The following KDM5A variants were observed in gnomAD, a reference collection of about 807,000 sequenced individuals.
KDM5A encodes lysine-specific demethylase 5A.
KDM5A carries 42 observed loss-of-function variants against 193.5 expected under a neutral mutation model. That is an observed-to-expected ratio of 0.22 (90% confidence interval 0.17 to 0.28). KDM5A has a LOEUF of 0.28. Ranked by LOEUF, KDM5A falls within the 10% of genes least tolerant of loss-of-function variation. The pLI, the probability that KDM5A is intolerant of heterozygous loss-of-function variation, is 1.00. For synonymous variants in KDM5A, 796 were observed against 718.1 expected (o/e 1.11, Z -1.73); for missense variants, 1,692 against 2,055.1 (o/e 0.82, Z 3.42).
chr12:360,920 G>C (rs1944286575), intron 5 of KDM5A, among the ~76,000 whole-genome samples: 1 of 152,166 alleles, frequency 6.6e-6, no homozygotes, highest in South Asian at 2.1e-4. Context: ...TCCTTGAAGA[G>C]AAAGGTACAC....
intron 19 of KDM5A, among the ~76,000 whole-genome samples, chr12:315,911 A>G (rs1033012363): frequency 5.9e-5 from 9 of 152,238 alleles, no homozygotes; most frequent in African/African-American, 1.4e-4. Flanking sequence ...AAAGAAATCT[A>G]TATTATAAAT....
intron 27 of KDM5A, among the ~76,000 whole-genome samples, chr12:290,027 T>G (rs1405205044): frequency 1.3e-5 from 2 of 151,016 alleles, no homozygotes; most frequent in African/African-American, 4.9e-5. Flanking sequence ...TCATAGCACA[T>G]TAACTATAGC....
chr12:389,225 G>A lies in KDM5A; in HGVS notation c.-134C>T. 1.2e-6 allele frequency: 1 copy of A among 857,026 alleles called. No homozygotes were observed. Among genetic ancestry groups the A allele is most frequent in the Non-Finnish European group, 2.0e-6 (1 of 506,924 alleles). The allele number at this position is 857,026 out of a possible 1,614,324, so 53.1% of individuals were successfully genotyped here. A position where few individuals can be genotyped will look rare whatever the true frequency, so the allele number is the denominator to read the frequency against. On this transcript the variant is annotated 5_prime_UTR_variant, in exon 1 of 28. Coordinates refer to ENST00000399788, the MANE Select transcript of KDM5A (RefSeq NM_001042603.3). ...TCGCGGACAAGAACCGTTCAACACA[G>A]AAACCCCAGAATCGCTTCCTCCTCC...
intron 27 of KDM5A, among the ~76,000 whole-genome samples, chr12:287,149 GATA>G (rs1943228654): frequency 6.6e-6 from 1 of 152,172 alleles, no homozygotes; most frequent in Admixed American, 6.6e-5. Context: ...TCTGCACCTT[GATA>G]CAACTGTCGG....
intron 3 of KDM5A, among the ~76,000 whole-genome samples, chr12:372,640 T>C (rs1944444314): frequency 6.6e-6 from 1 of 152,026 alleles, no homozygotes; most frequent in African/African-American, 2.4e-5. Flanking sequence ...TGAATAGGAG[T>C]GGTGAGAGAG....
intron 16 of KDM5A, among the ~76,000 whole-genome samples, 188 bp downstream of exon 16, chr12:322,881 CCATTTTATGTCAG>C (rs963912307): frequency 7.2e-5 from 11 of 152,204 alleles, no homozygotes; most frequent in African/African-American, 2.6e-4. Context: ...GATGTCCGGC[CCATTTTATGTCAG>C]CTTTTTCATT....
rs891164109 is a variant in KDM5A, at chr12:357,686, G to A, written c.673-1149C>T. Among the ~76,000 whole-genome samples the A allele has an allele frequency of 3.3e-5, 5 of 151,568 alleles. No homozygotes were observed. The East Asian group carries it at 9.7e-4, about 29-fold the overall frequency. ...CTACTAAAAATACAAAAATTAGCCA[G>A]GCATGGTGGCGCACGCCTATAGTCC... On this transcript the variant is annotated intron_variant, in intron 5 of 27. Coordinates refer to ENST00000399788, the MANE Select transcript of KDM5A (RefSeq NM_001042603.3).
At chr12:297,650 C>G (rs910587665) in intron 24 of KDM5A, among the ~76,000 whole-genome samples, 5 of 152,138 alleles carry the variant, frequency 3.3e-5, no homozygotes, top group African/African-American at 1.2e-4. Flanking sequence ...GAAAGCTTTC[C>G]AGACCCTGGA....
chr12:382,988 G>A (rs1438020138), intron 3 of KDM5A, among the ~76,000 whole-genome samples: 1 of 151,578 alleles, frequency 6.6e-6, no homozygotes, highest in Non-Finnish European at 1.5e-5. Flanking sequence ...TTGCAGGTCA[G>A]TTAGTTTTTT....
intron 5 of KDM5A, among the ~76,000 whole-genome samples, chr12:357,243 C>A (rs1232042121): frequency 6.6e-6 from 1 of 151,806 alleles, no homozygotes; most frequent in Non-Finnish European, 1.5e-5. Flanking sequence ...CGCTGCTGCA[C>A]TCCACCCTGG....
At chr12:348,678 ACG>A (rs1565541778) in intron 10 of KDM5A, among the ~76,000 whole-genome samples, 7 of 151,138 alleles carry the variant, frequency 4.6e-5, no homozygotes, top group Non-Finnish European at 7.4e-5. Context: ...ACCAAAAACC[ACG>A]TGTTCTCACT....
intron 8 of KDM5A, 45 bp downstream of exon 8, chr12:354,031 T>G: frequency 6.9e-7 from 1 of 1,455,376 alleles, no homozygotes. Context: ...ATGCATGTAT[T>G]ATTATTTTTA....
At chr12:372,596 C>T (rs1038225796) in intron 3 of KDM5A, among the ~76,000 whole-genome samples, 6 of 152,160 alleles carry the variant, frequency 3.9e-5, no homozygotes, top group Non-Finnish European at 5.9e-5. Flanking sequence ...TTTTTCCTGC[C>T]TGACTGCCCT....
In KDM5A at chr12:295,756, AG is replaced by A; in HGVS notation, c.4271del (p.Pro1424LeufsTer26). Reference sequence around the variant, plus strand: ...GAGGTTCCAAACTTCGGGGCACCAAAGGGCTCTTCCGAGGTTGTTTCCTTGG... The same window carrying A: ...GAGGTTCCAAACTTCGGGGCACCAAAGGCTCTTCCGAGGTTGTTTCCTTGG... ...STPRKQPRKS[P>X]LVPRSLEPPV... On this transcript the variant is annotated frameshift_variant, in exon 26 of 28. Coordinates refer to ENST00000399788, the MANE Select transcript of KDM5A (RefSeq NM_001042603.3). LOFTEE classifies it high-confidence loss of function. 1 of 1,614,076 alleles carries A rather than the reference AG, an allele frequency of 6.2e-7. No individual in the cohort carries two copies. The highest frequency in any genetic ancestry group is 8.5e-7 in the Non-Finnish European group (1 of 1,179,984).
chr12:355,982 G>C (rs963581939), intron 6 of KDM5A, among the ~76,000 whole-genome samples: 4 of 152,134 alleles, frequency 2.6e-5, no homozygotes, highest in Admixed American at 2.6e-4. Context: ...ACTTACTAAA[G>C]AAAACAGTTT....
intron 1 of KDM5A, among the ~76,000 whole-genome samples, chr12:388,714 G>A (rs143676310): frequency 2.6e-5 from 4 of 152,326 alleles, no homozygotes; most frequent in African/African-American, 4.8e-5. Flanking sequence ...GTTCTAGGCG[G>A]AAGAGGCCCA....
intron 24 of KDM5A, among the ~76,000 whole-genome samples, chr12:298,236 G>A (rs980280955): frequency 3.3e-5 from 5 of 152,194 alleles, no homozygotes; most frequent in South Asian, 2.1e-4. Flanking sequence ...CCTGGCCCCC[G>A]TGCATCCTGA....
At position 331,925 on chromosome 12, in the gene KDM5A, T is replaced by C; in HGVS notation, c.1667A>G (p.Asn556Ser). The C allele has an allele frequency of 6.2e-7, 1 of 1,613,920 alleles. No homozygotes were observed. The highest frequency in any genetic ancestry group is 8.5e-7 in the Non-Finnish European group (1 of 1,179,898). ...MEHGVPVYRT[N>S]QCAGEFVVTF... ...CACAACAAACTCGCCAGCACACTGA[T>C]TGGTCCTGTACACCTAAATGCAAAT... is the stretch of plus-strand genomic sequence containing the variant. The change falls in exon 13 of 28, where the codon AAT becomes AGT. Residue 556 changes from asparagine (N) to serine (S), a missense_variant. This residue lies in a region of KDM5A where 172 missense variants were observed against 260.3 expected (regional missense o/e 0.66). Coordinates refer to ENST00000399788, the MANE Select transcript of KDM5A (RefSeq NM_001042603.3).
chr12:344,494 A>C (rs1024345593), intron 10 of KDM5A, among the ~76,000 whole-genome samples: 1 of 152,186 alleles, frequency 6.6e-6, no homozygotes. Flanking sequence ...ATGAAGGAAA[A>C]AGTGTTAAGG....
Sources: gnomAD v4.1 joint callset for allele counts (sites outside exome capture counted in the v4.1 genomes callset) on GRCh38, gnomAD v4.1.1 for gene constraint, gnomAD v4.1.1 regional missense constraint, MANE v1.5 for transcripts, NCBI Gene and HGNC (gene_info 2026-07-23, HGNC 2026-07-21) for gene names.